The following SHISA9 variants were observed in gnomAD, a reference collection of about 807,000 sequenced individuals.
SHISA9 encodes the protein protein shisa-9.
In SHISA9, 13 loss-of-function variants were observed where a neutral mutation model predicts 38.0. The observed-to-expected ratio is 0.34, with a 90% confidence interval of 0.22 to 0.54. The LOEUF is 0.54. SHISA9 is among the 20% of genes least tolerant of loss of function. The pLI, the probability that SHISA9 is intolerant of heterozygous loss-of-function variation, is 0.91. For synonymous variants in SHISA9, 275 were observed against 242.0 expected (o/e 1.14, Z -1.27); for missense variants, 538 against 575.8 (o/e 0.93, Z 0.67).
intron 2 of SHISA9, among the ~76,000 whole-genome samples, chr16:12,958,313 AC>A (rs1193779640): frequency 5.3e-5 from 8 of 152,234 alleles, no homozygotes; most frequent in Non-Finnish European, 1.0e-4. Flanking sequence ...ATCATTATAA[AC>A]AAAATTCTAA....
chr16:12,905,794 T>C (rs1042973732), intron 1 of SHISA9, among the ~76,000 whole-genome samples: 4 of 152,126 alleles, frequency 2.6e-5, no homozygotes, highest in Admixed American at 2.6e-4. Flanking sequence ...GGGTTCCACC[T>C]GGCCTGGGGT....
intron 4 of SHISA9, among the ~76,000 whole-genome samples, chr16:13,233,682 C>T (rs1288266245): frequency 6.6e-6 from 1 of 152,138 alleles, no homozygotes; most frequent in Non-Finnish European, 1.5e-5. Flanking sequence ...CAGATTTGGC[C>T]CCGTGGGCTA....
At chr16:13,292,553 C>G in the SHISA9 span, among the ~76,000 whole-genome samples, 74 of 152,088 alleles carry the variant, frequency 4.9e-4, no homozygotes, top group African/African-American at 1.7e-3. Flanking sequence ...ACTGATTTCT[C>G]TCTCTCTTCT....
At chr16:13,280,225 C>A in the SHISA9 span, among the ~76,000 whole-genome samples, 1 of 146,292 alleles carries the variant, frequency 6.8e-6, no homozygotes, top group Non-Finnish European at 1.5e-5. Context: ...TCTATTATTC[C>A]CTTGATTTCT....
the SHISA9 span, among the ~76,000 whole-genome samples, chr16:13,385,510 CA>C: frequency 7.3e-6 from 1 of 136,056 alleles, no homozygotes; most frequent in African/African-American, 2.8e-5. Context: ...TAGTACTCAG[CA>C]AAGAAAAGGA....
the SHISA9 span, among the ~76,000 whole-genome samples, chr16:13,363,738 G>T: frequency 6.6e-6 from 1 of 152,324 alleles, no homozygotes; most frequent in African/African-American, 2.4e-5. Context: ...GCTGGCTTCA[G>T]GATAAGCATG....
chr16:13,023,957 G>A (rs979820367), intron 2 of SHISA9, among the ~76,000 whole-genome samples: 1 of 152,202 alleles, frequency 6.6e-6, no homozygotes, highest in Non-Finnish European at 1.5e-5. Flanking sequence ...ACACATTGTA[G>A]GATATGATTT....
chr16:13,468,640 A>C, the SHISA9 span, among the ~76,000 whole-genome samples: 2 of 151,914 alleles, frequency 1.3e-5, no homozygotes, highest in Non-Finnish European at 2.9e-5. Flanking sequence ...TAATAAGAGA[A>C]CTCTAGGAGG....
intron 2 of SHISA9, among the ~76,000 whole-genome samples, chr16:13,201,334 C>T (rs2051004368): frequency 7.3e-6 from 1 of 136,062 alleles, no homozygotes; most frequent in South Asian, 2.3e-4. Flanking sequence ...CTCTCATATA[C>T]TTTAAGTCAT....
the SHISA9 span, among the ~76,000 whole-genome samples, chr16:13,552,796 T>C: frequency 6.6e-6 from 1 of 152,050 alleles, no homozygotes; most frequent in African/African-American, 2.4e-5. Flanking sequence ...AGGCTAGCTC[T>C]CTTCACTTCT....
At chr16:13,270,265 G>T in the SHISA9 span, among the ~76,000 whole-genome samples, 1 of 152,104 alleles carries the variant, frequency 6.6e-6, no homozygotes, top group Non-Finnish European at 1.5e-5. Context: ...GATACATTGC[G>T]CAAAGCCTGT....
chr16:13,370,254 G>A, the SHISA9 span, among the ~76,000 whole-genome samples: 45 of 152,214 alleles, frequency 3.0e-4, 2 homozygotes, highest in South Asian at 9.3e-3. Context: ...TACATGCTGT[G>A]CTGGTTACCT....
chr16:13,117,396 G>A (rs746063395), intron 2 of SHISA9, among the ~76,000 whole-genome samples: 43 of 152,166 alleles, frequency 2.8e-4, no homozygotes, highest in Admixed American at 2.6e-4. Flanking sequence ...GGCAGAGTGG[G>A]CCGAATGGTG....
the SHISA9 span, among the ~76,000 whole-genome samples, chr16:13,430,318 C>T: frequency 6.6e-6 from 1 of 152,132 alleles, no homozygotes; most frequent in Non-Finnish European, 1.5e-5. Context: ...AAACTTTGGA[C>T]GCGGAAACCA....
At chr16:13,415,875 AAG>A in the SHISA9 span, among the ~76,000 whole-genome samples, 1 of 152,212 alleles carries the variant, frequency 6.6e-6, no homozygotes, top group African/African-American at 2.4e-5. Flanking sequence ...AAACGAAAAA[AAG>A]AGTACATACT....
the SHISA9 span, among the ~76,000 whole-genome samples, chr16:13,548,198 T>TA: frequency 1.3e-5 from 2 of 152,084 alleles, no homozygotes; most frequent in African/African-American, 4.8e-5. Context: ...TCTCACCATA[T>TA]AAAAAAGTCA....
In SHISA9 at chr16:13,014,116, A is replaced by C. The variant is rs151192171; in HGVS notation, c.691+97301A>C. The stretch of plus-strand genomic sequence containing the variant: ...TCATAAGAACTCAGTGAGACAGGCA[A>C]ATCCTACAAGGCTATTATCCCCATT... On this transcript the variant is annotated intron_variant, in intron 2 of 4. Transcript: ENST00000558583. Among the ~76,000 whole-genome samples the C allele has an allele frequency of 7.2e-5, 11 of 152,292 alleles. No homozygotes were observed. The East Asian group carries it at 2.1e-3, about 29-fold the overall frequency.
the SHISA9 span, among the ~76,000 whole-genome samples, chr16:13,389,205 C>A: frequency 3.3e-5 from 5 of 152,266 alleles, no homozygotes; most frequent in Middle Eastern, 0.01. Context: ...CCTAAAAATC[C>A]TCTGTCCTCC....
chr16:13,473,223 G>A, the SHISA9 span, among the ~76,000 whole-genome samples: 1 of 151,992 alleles, frequency 6.6e-6, no homozygotes. Context: ...GTCTTGGGCT[G>A]ATTTGGGCTA....
Sources: allele counts gnomAD v4.1 joint callset (sites outside exome capture counted in the v4.1 genomes callset), GRCh38; gene constraint gnomAD v4.1.1; transcripts MANE v1.5; gene names NCBI Gene and HGNC (gene_info 2026-07-23, HGNC 2026-07-21).